The following NAALADL2 variants were observed in gnomAD, a reference collection of about 807,000 sequenced individuals.
NAALADL2 encodes N-acetylated alpha-linked acidic dipeptidase like 2.
In NAALADL2, 76 loss-of-function variants were observed where a neutral mutation model predicts 87.2. That is an observed-to-expected ratio of 0.87 (90% CI 0.72 to 1.05). The LOEUF (loss-of-function observed/expected upper bound fraction) is 1.05. Among genes scored for constraint, NAALADL2 ranks in the 50% least tolerant of loss-of-function variants. NAALADL2 has a pLI of 0.00. For missense variants in NAALADL2, 1,089 were observed against 945.8 expected (o/e 1.15, Z -1.99); for synonymous variants, 354 against 331.0 (o/e 1.07, Z -0.75).
At chr3:174,928,846 T>C (rs761228875) in intron 1 of NAALADL2, among the ~76,000 whole-genome samples, 1 of 152,196 alleles carries the variant, frequency 6.6e-6, no homozygotes, top group Non-Finnish European at 1.5e-5. Context: ...CCATATATCA[T>C]TGTCTTTGGA....
At chr3:175,697,723 G>A (rs540848826) in intron 11 of NAALADL2, among the ~76,000 whole-genome samples, 1 of 147,384 alleles carries the variant, frequency 6.8e-6, no homozygotes, top group Non-Finnish European at 1.5e-5. Context: ...TATTAAAAAA[G>A]CAAATTTATA....
Position 175,308,826 on chromosome 3 carries a change from A to G in NAALADL2, c.940-15349A>G, listed in dbSNP as rs151250468. On this transcript the variant is annotated intron_variant, in intron 4 of 13. Transcript: ENST00000454872. ...TCTATAAACTATACAGACAAGTGAC[A>G]TGCACTCTGACCCTTCTTTGCCAAC... is the stretch of plus-strand genomic sequence containing the variant. 5.7e-3 allele frequency among the ~76,000 whole-genome samples: 861 copies of G among 152,304 alleles called. 9 individuals are homozygous for G. Among genetic ancestry groups the G allele is most frequent in the African/African-American group, 0.02 (819 of 41,568 alleles).
At chr3:175,580,242 G>C (rs73169498) in intron 10 of NAALADL2, among the ~76,000 whole-genome samples, 19,299 of 143,798 alleles carry the variant, frequency 0.13, 1,379 homozygotes, top group Middle Eastern at 0.17. Context: ...TTATGCCTCT[G>C]TGTGTGTGTG....
chr3:175,629,656 G>A (rs548792527), intron 11 of NAALADL2, among the ~76,000 whole-genome samples: 1 of 151,684 alleles, frequency 6.6e-6, no homozygotes, highest in Non-Finnish European at 1.5e-5. Flanking sequence ...AAAATGCTAG[G>A]CTTTTCAATT....
intron 1 of NAALADL2, among the ~76,000 whole-genome samples, chr3:174,461,394 G>C (rs1038665730): frequency 6.6e-6 from 1 of 152,014 alleles, no homozygotes; most frequent in Admixed American, 6.6e-5. Context: ...TTTCAATAAA[G>C]TTTATCAGTT....
chr3:175,068,704 T>A (rs1231012247), intron 1 of NAALADL2, among the ~76,000 whole-genome samples: 1 of 152,086 alleles, frequency 6.6e-6, no homozygotes, highest in African/African-American at 2.4e-5. Flanking sequence ...TGAAAGCTTT[T>A]GAAGAAAATA....
At chr3:174,779,967 T>G (rs1715734346) in intron 3 of NAALADL2, among the ~76,000 whole-genome samples, 1 of 152,146 alleles carries the variant, frequency 6.6e-6, no homozygotes, top group Non-Finnish European at 1.5e-5. Flanking sequence ...TCTTTTTTGA[T>G]TCCATATAAA....
chr3:175,646,273 A>G (rs1471889656), intron 11 of NAALADL2, among the ~76,000 whole-genome samples: 5 of 151,972 alleles, frequency 3.3e-5, no homozygotes, highest in East Asian at 1.9e-4. Context: ...TTTACTTTTA[A>G]ATATTATAAT....
At chr3:175,637,175 T>C (rs1266565962) in intron 11 of NAALADL2, among the ~76,000 whole-genome samples, 2 of 152,232 alleles carry the variant, frequency 1.3e-5, no homozygotes, top group Non-Finnish European at 2.9e-5. Flanking sequence ...AGCTTTGCTG[T>C]CTGCATTTAC....
At chr3:175,409,966 A>G (rs776252579) in intron 5 of NAALADL2, among the ~76,000 whole-genome samples, 5 of 152,132 alleles carry the variant, frequency 3.3e-5, no homozygotes, top group African/African-American at 9.6e-5. Flanking sequence ...TAATGAAGTT[A>G]AAGAAGTAGA....
At chr3:175,217,165 T>G (rs1183792487) in intron 2 of NAALADL2, among the ~76,000 whole-genome samples, 3 of 152,232 alleles carry the variant, frequency 2.0e-5, no homozygotes, top group African/African-American at 7.2e-5. Context: ...TCACTTCATT[T>G]ATTTTTGGTT....
intron 3 of NAALADL2, among the ~76,000 whole-genome samples, chr3:174,850,039 T>C (rs1725076342): frequency 6.6e-6 from 1 of 152,214 alleles, no homozygotes; most frequent in Non-Finnish European, 1.5e-5. Flanking sequence ...AACATACATT[T>C]CTTTCAGAGT....
At chr3:174,594,956 G>A (rs1489285318) in intron 2 of NAALADL2, among the ~76,000 whole-genome samples, 4 of 152,144 alleles carry the variant, frequency 2.6e-5, no homozygotes, top group Admixed American at 6.5e-5. Context: ...ATGGAGTCCA[G>A]AGTAAGTAAA....
chr3:174,936,108 A>C (rs1737653899), intron 1 of NAALADL2, among the ~76,000 whole-genome samples: 1 of 152,082 alleles, frequency 6.6e-6, no homozygotes, highest in African/African-American at 2.4e-5. Flanking sequence ...ATAACTTAAT[A>C]ACTGAAATTT....
chr3:175,685,455 T>A lies in NAALADL2; in HGVS notation c.1897-51851T>A, dbSNP rs1582889445. On this transcript the variant is annotated intron_variant, in intron 11 of 13. Coordinates refer to ENST00000454872, the MANE Select transcript of NAALADL2 (RefSeq NM_207015.3). ...AGAAATAGAACCAACAGGAGGTGTG[T>A]GTGTGTGTGTGTGTGTGTGTGTGTG... is the stretch of plus-strand genomic sequence containing the variant. Among the ~76,000 whole-genome samples, 3 of 97,784 alleles carry A rather than the reference T, an allele frequency of 3.1e-5. No homozygotes were observed. The East Asian group carries it at 1.0e-3, about 34-fold the overall frequency. The allele number at this position is 97,784 out of a possible 152,430, so 64.2% of individuals were successfully genotyped here.
intron 4 of NAALADL2, among the ~76,000 whole-genome samples, chr3:175,302,688 G>A (rs1757227431): frequency 1.3e-5 from 2 of 151,958 alleles, no homozygotes; most frequent in South Asian, 2.1e-4. Context: ...TTCTAGTATA[G>A]TACAGTATGT....
At chr3:175,418,595 A>G (rs1485561756) in intron 5 of NAALADL2, among the ~76,000 whole-genome samples, 1 of 152,124 alleles carries the variant, frequency 6.6e-6, no homozygotes, top group Non-Finnish European at 1.5e-5. Context: ...TAGGTGGTTC[A>G]CTTTCTCATT....
intron 1 of NAALADL2, among the ~76,000 whole-genome samples, chr3:175,032,573 C>T (rs902204993): frequency 6.6e-6 from 1 of 152,008 alleles, no homozygotes; most frequent in African/African-American, 2.4e-5. Flanking sequence ...TTCAGCCATC[C>T]AACAGCCAGC....
chr3:174,565,062 G>T (rs1181471377), intron 2 of NAALADL2, among the ~76,000 whole-genome samples: 1 of 151,694 alleles, frequency 6.6e-6, no homozygotes, highest in Non-Finnish European at 1.5e-5. Flanking sequence ...AAAATACAGG[G>T]TTTGCATATA....
Sources: gnomAD v4.1 joint callset for allele counts (sites outside exome capture counted in the v4.1 genomes callset) on GRCh38, gnomAD v4.1.1 for gene constraint, MANE v1.5 for transcripts, NCBI Gene and HGNC (gene_info 2026-07-23, HGNC 2026-07-21) for gene names.